Variants in QRICH1 observed in about 807,000 individuals in gnomAD.
QRICH1 encodes transcriptional regulator QRICH1.
QRICH1 carries 16 observed loss-of-function variants against 87.1 expected under a neutral mutation model. That is an observed-to-expected ratio of 0.18 (90% CI 0.12 to 0.28). The LOEUF is 0.28. Among genes scored for constraint, QRICH1 ranks in the 10% least tolerant of loss-of-function variants. The pLI is 1.00. For missense variants in QRICH1, 647 were observed against 951.7 expected, an observed-to-expected ratio of 0.68 and a Z score of 4.21; for synonymous variants, 367 against 368.4, an observed-to-expected ratio of 1.00 and a Z score of 0.05.
At chr3:49,059,401 ACACCAC>A (rs1487048941) in intron 2 of QRICH1, among the ~76,000 whole-genome samples, 1 of 150,950 alleles carries the variant, frequency 6.6e-6, no homozygotes, top group Non-Finnish European at 1.5e-5. Flanking sequence ...AACTACAGGA[ACACCAC>A]CACCACACCC....
chr3:49,046,353 T>G (rs2093339565), intron 5 of QRICH1, 72 bp downstream of exon 5: 1 of 1,452,752 alleles, frequency 6.9e-7, no homozygotes, highest in Admixed American at 2.3e-5. Flanking sequence ...GCTTATCAAT[T>G]TATTAACTAA....
Position 49,057,218 on chromosome 3 carries a change from T to C in QRICH1, c.982A>G (p.Thr328Ala). The C allele has an allele frequency of 6.2e-7, 1 of 1,614,114 alleles. No individual in the cohort carries two copies. The highest frequency in any genetic ancestry group is 8.5e-7 in the Non-Finnish European group (1 of 1,180,020). The part of the protein sequence containing the change: ...PRGDPQQQSI[T>A]HIAIPQEAYN... ...GCTTCCTGGGGAATGGCAATGTGGG[T>C]AATGCTCTGCTGCTGAGGGTCCCCC... Residue 328 changes from threonine (T) to alanine (A), a missense_variant, in exon 3 of 10, where the codon ACC (threonine) becomes GCC (alanine). Around this residue, in one of 7 missense-constraint regions of QRICH1, gnomAD observed 75 missense variants for 141.0 expected, o/e 0.53. Transcript: ENST00000395443. The surrounding 1 kb of genome is among the most constrained non-coding windows in gnomAD (Gnocchi z 5.4).
intron 2 of QRICH1, chr3:49,058,132 T>A: frequency 3.3e-6 from 2 of 613,904 alleles, no homozygotes; most frequent in Non-Finnish European, 2.6e-6. Flanking sequence ...AACTGGGGCC[T>A]AAAAAGGAAA....
intron 3 of QRICH1, chr3:49,056,638 A>C: frequency 1.2e-6 from 1 of 819,492 alleles, no homozygotes; most frequent in South Asian, 1.7e-5. Flanking sequence ...CAAAACTCCA[A>C]AGCAATTCCT....
chr3:49,071,873 G>C (rs1375695343), intron 2 of QRICH1, among the ~76,000 whole-genome samples: 1 of 152,074 alleles, frequency 6.6e-6, no homozygotes, highest in Non-Finnish European at 1.5e-5. Flanking sequence ...TTGTACTTTT[G>C]TACAGACAGG....
intron 2 of QRICH1, among the ~76,000 whole-genome samples, chr3:49,066,492 T>G (rs1342770157): frequency 6.7e-6 from 1 of 150,184 alleles, no homozygotes; most frequent in East Asian, 2.0e-4. Context: ...GAGGCAAGAG[T>G]CTCACTCTGT....
chr3:49,076,377 C>T (rs370976783), intron 2 of QRICH1, among the ~76,000 whole-genome samples: 1 of 152,108 alleles, frequency 6.6e-6, no homozygotes, highest in Non-Finnish European at 1.5e-5. Context: ...AGAAAGGTGG[C>T]GCCCCCTCAC....
At chr3:49,065,441 T>C (rs893927095) in intron 2 of QRICH1, among the ~76,000 whole-genome samples, 1 of 152,216 alleles carries the variant, frequency 6.6e-6, no homozygotes. Context: ...CCACTGCGCC[T>C]GACCCATTTT....
chr3:49,069,894 A>T (rs1365868310), intron 2 of QRICH1, among the ~76,000 whole-genome samples: 1 of 152,128 alleles, frequency 6.6e-6, no homozygotes, highest in Non-Finnish European at 1.5e-5. Context: ...TGTGTTTTGA[A>T]GTCTCTAGTC....
At chr3:49,040,160 A>G (rs1046604167) in intron 6 of QRICH1, among the ~76,000 whole-genome samples, 27 of 152,264 alleles carry the variant, frequency 1.8e-4, no homozygotes, top group Admixed American at 1.4e-3. Flanking sequence ...AACTTCCATA[A>G]TAACAGACTG....
Position 49,071,481 on chromosome 3 carries a change from TA to T in QRICH1, c.309+5227del, listed in dbSNP as rs2093500202. 3.3e-5 allele frequency among the ~76,000 whole-genome samples: 5 copies of T among 152,156 alleles called. No individual in the cohort carries two copies. The South Asian group carries it at 1.0e-3, about 32-fold the overall frequency. ...GAACTCAGGAGTCCCAAGACCAGCC[TA>T]GGGGCCAGGTGCAATGGCTCATGCC... On this transcript the variant is annotated intron_variant, in intron 2 of 9. Transcript: ENST00000395443.
chr3:49,040,566 C>G (rs1364798654), intron 6 of QRICH1, among the ~76,000 whole-genome samples: 1 of 152,242 alleles, frequency 6.6e-6, no homozygotes, highest in Non-Finnish European at 1.5e-5. Context: ...TCTCCGGCAC[C>G]TAGCAGACTG....
chr3:49,041,579 C>G (rs1008159414), intron 6 of QRICH1, among the ~76,000 whole-genome samples: 3 of 151,622 alleles, frequency 2.0e-5, no homozygotes, highest in Non-Finnish European at 4.4e-5. Context: ...CTTCCCACCT[C>G]GGTCTCCCAA....
intron 1 of QRICH1, among the ~76,000 whole-genome samples, chr3:49,085,000 G>C (rs1019648097): frequency 1.0e-4 from 15 of 150,448 alleles, no homozygotes; most frequent in Non-Finnish European, 2.1e-4. Flanking sequence ...AAAATTAGCC[G>C]GGTGTGGTGT....
At position 49,030,124 on chromosome 3, in the gene QRICH1, C is replaced by T. The variant is rs2093225489; in HGVS notation, c.*328G>A. 2.4e-6 allele frequency: 1 copy of T among 418,306 alleles called. No individual in the cohort carries two copies. The allele number at this position is 418,306 out of a possible 1,614,324, so 25.9% of individuals were successfully genotyped here. A position where few individuals can be genotyped will look rare whatever the true frequency, so the allele number is the denominator to read the frequency against. On this transcript the variant is annotated 3_prime_UTR_variant, in exon 10 of 10. Coordinates refer to ENST00000395443, the MANE Select transcript of QRICH1 (RefSeq NM_198880.3). ...TCCATCCATCATTAATTCCATCTCT[C>T]TTGAAGATGGAAAGGGGCCACATTT...
In QRICH1 at chr3:49,030,663, A is replaced by G; in HGVS notation, c.2139-19T>C. ...CTGGGGGCTGAAGAATATGCGGATA[A>G]AAGTTGGGTACCACCAATATAACTT... On this transcript the variant is annotated intron_variant, in intron 9 of 9. Coordinates refer to ENST00000395443, the MANE Select transcript of QRICH1 (RefSeq NM_198880.3). 1 of 1,526,906 alleles carries G rather than the reference A, an allele frequency of 6.5e-7. No homozygotes were observed. The highest frequency in any genetic ancestry group is 1.4e-5 in the African/African-American group (1 of 71,778). 94.6% of individuals were successfully genotyped at this position (1,526,906 alleles called of 1,614,324 possible). A position where few individuals can be genotyped will look rare whatever the true frequency, so the allele number is the denominator to read the frequency against.
At chr3:49,090,407 C>T (rs758830071) in intron 1 of QRICH1, among the ~76,000 whole-genome samples, 33 of 146,366 alleles carry the variant, frequency 2.3e-4, no homozygotes, top group Non-Finnish European at 4.4e-4. Context: ...TGCAGTGAGC[C>T]GAGATCGTGC....
chr3:49,066,910 C>T (rs1420873254), intron 2 of QRICH1, among the ~76,000 whole-genome samples: 1 of 151,704 alleles, frequency 6.6e-6, no homozygotes, highest in Admixed American at 6.6e-5. Flanking sequence ...TGGTGGTGTG[C>T]ACCTGTAATC....
chr3:49,050,042 A>G (rs1007311455), intron 3 of QRICH1, among the ~76,000 whole-genome samples: 7 of 150,254 alleles, frequency 4.7e-5, no homozygotes, highest in African/African-American at 1.5e-4. Flanking sequence ...TCTACCAGAA[A>G]TATAAAAAAT....
Sources: allele counts gnomAD v4.1 joint callset (sites outside exome capture counted in the v4.1 genomes callset), GRCh38; gene constraint gnomAD v4.1.1; regional missense constraint gnomAD v4.1.1; non-coding constraint Gnocchi (gnomAD v3.1); transcripts MANE v1.5; gene names NCBI Gene and HGNC (gene_info 2026-07-23, HGNC 2026-07-21).